IL1RAPL2: variants seen among roughly 807,000 people sequenced by gnomAD.
IL1RAPL2 encodes the protein interleukin 1 receptor accessory protein like 2, also known as X-linked interleukin-1 receptor accessory protein-like 2.
Under a neutral mutation model 44.1 loss-of-function variants are expected in IL1RAPL2, and 3 were observed. The observed-to-expected ratio is 0.07, with a 90% CI of 0.03 to 0.18. The LOEUF is 0.18. IL1RAPL2 is among the 10% of genes least tolerant of loss of function. The pLI is 1.00. For missense variants in IL1RAPL2, 391 were observed against 496.4 expected (o/e 0.79, Z 2.02); for synonymous variants, 181 against 178.8 (o/e 1.01, Z -0.10).
intron 9 of IL1RAPL2, among the ~76,000 whole-genome samples, chrX:105,751,319 T>G (rs966652144): frequency 1.8e-5 from 2 of 110,369 alleles, no homozygotes; most frequent in East Asian, 5.7e-4. Context: ...AAAGGGAGGC[T>G]TCTGTGATTA....
chrX:104,889,374 C>T (rs1002040112), intron 2 of IL1RAPL2, among the ~76,000 whole-genome samples: 2 of 111,775 alleles, frequency 1.8e-5, no homozygotes, highest in African/African-American at 6.5e-5. Context: ...ACCCTTCCAC[C>T]CGCTCACCAG....
chrX:105,265,741 A>ATGT (rs58520235), intron 4 of IL1RAPL2, among the ~76,000 whole-genome samples: 28,282 of 110,230 alleles, frequency 0.26, 7,718 homozygotes, highest in African/African-American at 0.83. Flanking sequence ...AAGAAAAAAA[A>ATGT]TGTTATGAAA....
intron 2 of IL1RAPL2, among the ~76,000 whole-genome samples, chrX:105,013,926 T>A (rs1421142501): frequency 8.9e-6 from 1 of 112,343 alleles, no homozygotes. Context: ...AAGCTACTGG[T>A]AAACAGGGCA....
At chrX:104,898,687 C>T (rs1602794719) in intron 2 of IL1RAPL2, among the ~76,000 whole-genome samples, 1 of 111,959 alleles carries the variant, frequency 8.9e-6, no homozygotes, top group East Asian at 2.8e-4. Context: ...CCATTTTTTC[C>T]CATGAAAGCT....
intron 2 of IL1RAPL2, among the ~76,000 whole-genome samples, chrX:104,722,227 T>C (rs1931693210): frequency 8.9e-6 from 1 of 111,873 alleles, no homozygotes; most frequent in East Asian, 2.8e-4. Flanking sequence ...AAAGCAGCCA[T>C]GAATGATATA....
intron 6 of IL1RAPL2, among the ~76,000 whole-genome samples, chrX:105,623,608 G>A (rs2037434799): frequency 2.7e-5 from 3 of 110,129 alleles, no homozygotes; most frequent in African/African-American, 9.9e-5. Flanking sequence ...AACATTTATT[G>A]AGCACTACTA....
chrX:105,632,424 A>T (rs2037497787), intron 6 of IL1RAPL2, among the ~76,000 whole-genome samples: 1 of 111,528 alleles, frequency 9.0e-6, no homozygotes, highest in Admixed American at 9.5e-5. Context: ...TAGATTTTTT[A>T]AATGTTCCTC....
intron 2 of IL1RAPL2, among the ~76,000 whole-genome samples, chrX:104,988,305 C>A (rs2030599030): frequency 8.9e-6 from 1 of 112,246 alleles, no homozygotes; most frequent in Non-Finnish European, 1.9e-5. Flanking sequence ...GTCTAATTGA[C>A]AAAGGTTAAA....
chrX:104,675,683 A>G (rs1010658790), intron 2 of IL1RAPL2, among the ~76,000 whole-genome samples: 1 of 110,450 alleles, frequency 9.1e-6, no homozygotes, highest in African/African-American at 3.3e-5. Context: ...TGATCTGTCT[A>G]ATGTTGACAG....
chrX:105,099,625 T>C (rs57268026), intron 2 of IL1RAPL2, among the ~76,000 whole-genome samples: 7,154 of 107,005 alleles, frequency 0.067, 614 homozygotes, highest in African/African-American at 0.23. Flanking sequence ...CCACTACGCC[T>C]GGCTATTTTT....
At chrX:105,112,630 T>C (rs148056081) in intron 2 of IL1RAPL2, among the ~76,000 whole-genome samples, 10 of 112,825 alleles carry the variant, frequency 8.9e-5, no homozygotes, top group African/African-American at 2.9e-4. Flanking sequence ...ACAATCTCAC[T>C]GAATATACGT....
chrX:104,730,217 AATTT>A (rs1475154616), intron 2 of IL1RAPL2, among the ~76,000 whole-genome samples: 1 of 111,259 alleles, frequency 9.0e-6, no homozygotes, highest in African/African-American at 3.3e-5. Flanking sequence ...AAACTGAAGT[AATTT>A]ATTAAAATAA....
At position 105,247,228 on chromosome X, in the gene IL1RAPL2, A is replaced by T. The variant is rs760904405; in HGVS notation, c.543+13224A>T. On this transcript the variant is annotated intron_variant, in intron 4 of 10. Coordinates refer to ENST00000372582, the MANE Select transcript of IL1RAPL2 (RefSeq NM_017416.2). Reference sequence around the variant, plus strand: ...TTTTTACAGATGAGGAAACTGAAATAACTCACAGAGGGTCACTTATCCAAC... The same window carrying T: ...TTTTTACAGATGAGGAAACTGAAATTACTCACAGAGGGTCACTTATCCAAC... Among the ~76,000 whole-genome samples the T allele has an allele frequency of 6.3e-5, 7 of 110,698 alleles. No individual in the cohort carries two copies. The East Asian group carries it at 2.0e-3, about 32-fold the overall frequency.
At chrX:105,025,456 G>A (rs111682945) in intron 2 of IL1RAPL2, among the ~76,000 whole-genome samples, 2 of 110,777 alleles carry the variant, frequency 1.8e-5, no homozygotes, top group African/African-American at 3.3e-5. Context: ...CTGGCCTGCC[G>A]CTAAATGTCA....
At chrX:104,783,779 T>C (rs1206229376) in intron 2 of IL1RAPL2, among the ~76,000 whole-genome samples, 2 of 108,198 alleles carry the variant, frequency 1.8e-5, no homozygotes, top group Non-Finnish European at 3.8e-5. Context: ...TTACACATTC[T>C]ATTATACTTC....
At chrX:105,080,029 T>G (rs965442362) in intron 2 of IL1RAPL2, among the ~76,000 whole-genome samples, 8 of 112,264 alleles carry the variant, frequency 7.1e-5, no homozygotes, top group Non-Finnish European at 1.5e-4. Context: ...ATCCTTCACC[T>G]GATCTTTGAT....
At chrX:105,095,867 T>G (rs1044506957) in intron 2 of IL1RAPL2, among the ~76,000 whole-genome samples, 1 of 111,605 alleles carries the variant, frequency 9.0e-6, no homozygotes, top group Non-Finnish European at 1.9e-5. Flanking sequence ...TTAACAACCT[T>G]TATGCATCAA....
intron 6 of IL1RAPL2, among the ~76,000 whole-genome samples, chrX:105,657,164 T>G (rs889607644): frequency 5.4e-5 from 6 of 111,784 alleles, no homozygotes; most frequent in Non-Finnish European, 9.4e-5. Flanking sequence ...TGAAGATATA[T>G]AGTGGTAGAA....
intron 1 of IL1RAPL2, among the ~76,000 whole-genome samples, chrX:104,605,043 T>C (rs1414164988): frequency 9.0e-6 from 1 of 111,578 alleles, no homozygotes; most frequent in Non-Finnish European, 1.9e-5. Flanking sequence ...TCACACTTAT[T>C]CAAAAACTGA....
Sources: allele counts gnomAD v4.1 joint callset (sites outside exome capture counted in the v4.1 genomes callset), GRCh38; gene constraint gnomAD v4.1.1; transcripts MANE v1.5; gene names NCBI Gene and HGNC (gene_info 2026-07-23, HGNC 2026-07-21).